SNW1: variants seen among roughly 807,000 people sequenced by gnomAD.
SNW1 encodes SNW domain-containing protein 1.
Under a neutral mutation model 75.6 loss-of-function variants are expected in SNW1, and 9 were observed. The observed-to-expected ratio is 0.12, with a 90% CI of 0.07 to 0.21. SNW1 has a LOEUF of 0.21. SNW1 is among the 10% of genes least tolerant of loss of function. The probability of loss-of-function intolerance (pLI) is 1.00; values close to 1 mark genes in which losing one functional copy is unlikely to be tolerated. For synonymous variants in SNW1, 200 were observed against 219.1 expected, an observed-to-expected ratio of 0.91 and a Z score of 0.77; for missense variants, 409 against 670.9, an observed-to-expected ratio of 0.61 and a Z score of 4.31.
chr14:77,724,129 CAGAT>C lies in SNW1; in HGVS notation c.1034-856_1034-853del, dbSNP rs146784019. ...AATGCAATGCAGTAAATCGGACAGA[CAGAT>C]GGACAGAAAGATGGGCAAATATGTG... On this transcript the variant is annotated intron_variant, in intron 10 of 13. Transcript: ENST00000261531. Among the ~76,000 whole-genome samples the C allele has an allele frequency of 3.3e-3, 497 of 152,236 alleles. 4 individuals carry two copies. Among genetic ancestry groups the C allele is most frequent in the Middle Eastern group, 0.02 (6 of 294 alleles).
intron 1 of SNW1, among the ~76,000 whole-genome samples, chr14:77,756,106 A>G (rs2080840764): frequency 6.6e-6 from 1 of 151,882 alleles, no homozygotes; most frequent in Admixed American, 6.6e-5. Context: ...TGTCCAGTAT[A>G]TACTTGCTAT....
chr14:77,718,524 C>A lies in SNW1; in HGVS notation c.1255G>T (p.Asp419Tyr). ...TCTTCTCCACCTGCAAATCCACTGT[C>A]CATACCCTGTGGAAAAATGGATGAC... ...QRLFNQSKGM[D>Y]SGFAGGEDEI... The change falls in exon 13 of 14, where the codon GAC (aspartate) becomes TAC (tyrosine). Residue 419 changes from aspartate to tyrosine, a missense_variant. This residue lies in a region of SNW1 where 126 missense variants were observed against 167.6 expected (regional missense o/e 0.75). Transcript: ENST00000261531. 1.3e-6 allele frequency: 2 copies of A among 1,573,400 alleles called. No individual in the cohort carries two copies.
intron 9 of SNW1, among the ~76,000 whole-genome samples, chr14:77,731,425 A>G (rs1175884521): frequency 6.6e-6 from 1 of 152,224 alleles, no homozygotes; most frequent in Non-Finnish European, 1.5e-5. Context: ...AACAAAATTA[A>G]AGCCAGGCAT....
At chr14:77,725,105 G>A (rs528318294) in intron 10 of SNW1, among the ~76,000 whole-genome samples, 194 of 152,288 alleles carry the variant, frequency 1.3e-3, no homozygotes, top group African/African-American at 4.4e-3. Flanking sequence ...TAGTGATGCT[G>A]AACATTTTTT....
At chr14:77,734,264 T>G (rs1288157942) in intron 8 of SNW1, among the ~76,000 whole-genome samples, 2 of 152,234 alleles carry the variant, frequency 1.3e-5, no homozygotes, top group African/African-American at 2.4e-5. Context: ...ATTAAAGCAC[T>G]TAAAGTATCC....
chr14:77,749,795 C>T (rs1364401372), intron 3 of SNW1, among the ~76,000 whole-genome samples: 1 of 152,138 alleles, frequency 6.6e-6, no homozygotes, highest in Non-Finnish European at 1.5e-5. Flanking sequence ...CAAATGCTAA[C>T]AGGAAAGAGC....
Position 77,717,628 on chromosome 14 carries a change from A to G in SNW1, c.*460T>C. 6.8e-7 allele frequency: 1 copy of G among 1,473,246 alleles called. No homozygotes were observed. The highest frequency in any genetic ancestry group is 9.4e-7 in the Non-Finnish European group (1 of 1,059,624). 91.3% of individuals were successfully genotyped at this position (1,473,246 alleles called of 1,614,324 possible). A position where few individuals can be genotyped will look rare whatever the true frequency, so the allele number is the denominator to read the frequency against. ...GTCTAAATGTTTTTATTTGAAACAAATAGTTGCACCAAGCAAGAGGTTACT... is the reference window on the plus strand; with the variant it reads ...GTCTAAATGTTTTTATTTGAAACAAGTAGTTGCACCAAGCAAGAGGTTACT... On this transcript the variant is annotated 3_prime_UTR_variant, in exon 14 of 14. Coordinates refer to ENST00000261531, the MANE Select transcript of SNW1 (RefSeq NM_012245.3).
rs567229332 is a variant in SNW1, at chr14:77,747,817, C to T, written c.330+3502G>A. ...GTGGGGGGCGCCTCTGCCTGGCCGC[C>T]GCCCCATCCGGGAGGTGGGGGGCGC... On this transcript the variant is annotated intron_variant, in intron 3 of 13. Coordinates refer to ENST00000261531, the MANE Select transcript of SNW1 (RefSeq NM_012245.3). Among the ~76,000 whole-genome samples the T allele has an allele frequency of 4.2e-4, 63 of 149,452 alleles. 2 individuals are homozygous for T. The South Asian group carries it at 0.011, about 26-fold the overall frequency.
chr14:77,747,918 A>C (rs2080776887), intron 3 of SNW1, among the ~76,000 whole-genome samples: 1 of 152,236 alleles, frequency 6.6e-6, no homozygotes, highest in Non-Finnish European at 1.5e-5. Flanking sequence ...GGTGTACCCA[A>C]CAGCTCATTG....
intron 3 of SNW1, among the ~76,000 whole-genome samples, chr14:77,747,669 G>T (rs7159310): frequency 5.3e-5 from 8 of 150,468 alleles, no homozygotes; most frequent in African/African-American, 2.0e-4. Flanking sequence ...AGTGAGGAGC[G>T]ACTCCGCCCG....
intron 1 of SNW1, 197 bp downstream of exon 1, chr14:77,760,917 C>G (rs551053405): frequency 2.3e-6 from 3 of 1,283,390 alleles, no homozygotes; most frequent in Non-Finnish European, 1.1e-6. Context: ...TGAACTAAAC[C>G]CGGGAAACCG....
chr14:77,751,495 T>G lies in SNW1; in HGVS notation c.169-15A>C, dbSNP rs767404781. ...TCTCCAAAATCCTACACATTAGAAG[T>G]AGTTAAATAAAATAGTTAATCATCA... On this transcript the variant is annotated splice_polypyrimidine_tract_variant and intron_variant, in intron 2 of 13. Coordinates refer to ENST00000261531, the MANE Select transcript of SNW1 (RefSeq NM_012245.3). The G allele has an allele frequency of 1.0e-5, 16 of 1,564,014 alleles. No individual in the cohort carries two copies. The African/African-American group carries it at 2.2e-4, about 22-fold the overall frequency.
Position 77,736,959 on chromosome 14 carries a change from C to T in SNW1, c.638+12G>A, listed in dbSNP as rs775445487. The T allele has an allele frequency of 2.5e-6, 4 of 1,576,882 alleles. No homozygotes were observed. On this transcript the variant is annotated intron_variant, in intron 6 of 13. Coordinates refer to ENST00000261531, the MANE Select transcript of SNW1 (RefSeq NM_012245.3). ...TATTGTGTGTATTAGTAGCCTATTC[C>T]TTTTCACTTACTTGAACCTTGGAGG...
chr14:77,752,895 GAC>G (rs1478121641), intron 2 of SNW1, among the ~76,000 whole-genome samples: 5 of 152,194 alleles, frequency 3.3e-5, no homozygotes, highest in Non-Finnish European at 5.9e-5. Context: ...AAAGCTGAGA[GAC>G]ATTTTCTTGT....
intron 3 of SNW1, among the ~76,000 whole-genome samples, chr14:77,751,038 G>T (rs143675850): frequency 5.9e-5 from 9 of 152,272 alleles, no homozygotes; most frequent in African/African-American, 2.2e-4. Context: ...TAGAATGCTA[G>T]TAATATAAAG....
chr14:77,739,007 C>CA lies in SNW1; in HGVS notation c.384dup (p.Asp129Ter). The CA allele has an allele frequency of 6.2e-7, 1 of 1,614,104 alleles. No individual in the cohort carries two copies. The highest frequency in any genetic ancestry group is 8.5e-7 in the Non-Finnish European group (1 of 1,180,008). The stretch of plus-strand genomic sequence containing the variant: ...TCATCGGGCCTTTGCAGGTCTGGAT[C>CA]ATCTGCATTCATAACCTCCTTTGGA... On this transcript the variant is annotated frameshift_variant, in exon 4 of 14. Coordinates refer to ENST00000261531, the MANE Select transcript of SNW1 (RefSeq NM_012245.3). LOFTEE classifies it high-confidence loss of function.
intron 3 of SNW1, among the ~76,000 whole-genome samples, chr14:77,749,898 A>G (rs1230680369): frequency 6.6e-6 from 1 of 152,146 alleles, no homozygotes; most frequent in Non-Finnish European, 1.5e-5. Flanking sequence ...TCCAGAATAC[A>G]TATGGCAAGA....
rs535324657 is a variant in SNW1, at chr14:77,736,985, C to T, written c.624G>A (p.Glu208=). The part of the protein sequence containing the change: ...RMVEMQKDPM[E]PPRFKINKKI... The stretch of plus-strand genomic sequence containing the variant: ...TTTTCACTTACTTGAACCTTGGAGG[C>T]TCCATTGGATCTTTCTGCATTTCTA... The change falls in exon 6 of 14, where the codon GAG becomes GAA. Residue 208 remains glutamate (E), a synonymous_variant. Transcript: ENST00000261531. The T allele has an allele frequency of 1.2e-6, 2 of 1,612,248 alleles. No individual in the cohort carries two copies. The highest frequency in any genetic ancestry group is 1.3e-5 in the African/African-American group (1 of 75,000).
At chr14:77,759,739 G>A (rs1414241268) in intron 1 of SNW1, among the ~76,000 whole-genome samples, 1 of 152,092 alleles carries the variant, frequency 6.6e-6, no homozygotes, top group Admixed American at 6.6e-5. Context: ...ACTTTGGGAG[G>A]CCTAGGTGAG....
Sources: allele counts gnomAD v4.1 joint callset (sites outside exome capture counted in the v4.1 genomes callset), GRCh38; gene constraint gnomAD v4.1.1; regional missense constraint gnomAD v4.1.1; transcripts MANE v1.5; gene names NCBI Gene and HGNC (gene_info 2026-07-23, HGNC 2026-07-21).